GPR158: variants seen among roughly 807,000 people sequenced by gnomAD.
GPR158 encodes the protein metabotropic glycine receptor.
In GPR158, 30 loss-of-function variants were observed where a neutral mutation model predicts 78.2. The ratio of observed to expected loss-of-function variants is 0.38; its 90% CI spans 0.29 to 0.52. The LOEUF is 0.52. GPR158 is among the 20% of genes least tolerant of loss of function. GPR158 has a pLI of 0.83. For missense variants in GPR158, 1,463 were observed against 1,523.5 expected, an observed-to-expected ratio of 0.96 and a Z score of 0.66; for synonymous variants, 581 against 591.1, an observed-to-expected ratio of 0.98 and a Z score of 0.25.
At chr10:25,359,352 G>A (rs1232339835) in intron 2 of GPR158, among the ~76,000 whole-genome samples, 3 of 151,988 alleles carry the variant, frequency 2.0e-5, no homozygotes, top group Admixed American at 6.6e-5. Flanking sequence ...GTAGTTTTCT[G>A]CACCCCTCCA....
intron 4 of GPR158, among the ~76,000 whole-genome samples, chr10:25,428,536 A>G (rs1267144826): frequency 6.6e-6 from 1 of 152,064 alleles, no homozygotes; most frequent in Non-Finnish European, 1.5e-5. Context: ...CTCCAAAGTC[A>G]AGCTTGATTA....
At position 25,176,699 on chromosome 10, in the gene GPR158, G is replaced by C. The variant is rs1191415719; in HGVS notation, c.902+377G>C. ...CGATGCGACAACTTGGCGAGCGCCGGGTGTGTCCGCGGAGTGGCAAGCCTC... is the reference window on the plus strand; with the variant it reads ...CGATGCGACAACTTGGCGAGCGCCGCGTGTGTCCGCGGAGTGGCAAGCCTC... On this transcript the variant is annotated intron_variant, in intron 1 of 10. Transcript: ENST00000376351. This position sits in a 1 kb window ranked among gnomAD's most constrained non-coding sequence, Gnocchi z 6.3. Among the ~76,000 whole-genome samples, 1 of 152,244 alleles carries C rather than the reference G, an allele frequency of 6.6e-6. No individual in the cohort carries two copies. The highest frequency in any genetic ancestry group is 1.5e-5 in the Non-Finnish European group (1 of 68,046).
intron 2 of GPR158, among the ~76,000 whole-genome samples, chr10:25,312,163 C>G (rs7079120): frequency 0.2 from 30,727 of 151,720 alleles, 5,258 homozygotes; most frequent in African/African-American, 0.47. Context: ...AATGTTATTT[C>G]CGATCTGAAA....
chr10:25,406,315 G>A (rs1342732942), intron 3 of GPR158, among the ~76,000 whole-genome samples: 1 of 152,064 alleles, frequency 6.6e-6, no homozygotes, highest in African/African-American at 2.4e-5. Context: ...AGATCTGAAG[G>A]GCATTGTATA....
At position 25,397,090 on chromosome 10, in the gene GPR158, G is replaced by A. The variant is rs548427983; in HGVS notation, c.1111+1077G>A. On this transcript the variant is annotated intron_variant, in intron 3 of 10. Transcript: ENST00000376351. ...AATGACAGAGTATAATCATGGGAGT[G>A]CCTCTCCTATCACTTCAGCATATAA... 3.3e-5 allele frequency among the ~76,000 whole-genome samples: 5 copies of A among 152,256 alleles called. No homozygotes were observed. In the South Asian group the frequency reaches 1.0e-3, roughly 32 times the overall value.
intron 2 of GPR158, among the ~76,000 whole-genome samples, chr10:25,225,183 C>CT (rs60603738): frequency 0.011 from 1,470 of 134,712 alleles, 16 homozygotes; most frequent in Non-Finnish European, 0.013. Flanking sequence ...GAACATTTGC[C>CT]TTTTTTTTTT....
Position 25,256,916 on chromosome 10 carries a change from G to A in GPR158, c.1008+35759G>A, listed in dbSNP as rs1384546416. Among the ~76,000 whole-genome samples, 4 of 152,096 alleles carry A rather than the reference G, an allele frequency of 2.6e-5. No individual in the cohort carries two copies. The East Asian group carries it at 7.7e-4, about 29-fold the overall frequency. The stretch of plus-strand genomic sequence containing the variant: ...AATTAACAGGATACGTTTAGATAGA[G>A]ATAAACCTAAAAGCCCTGTATTGAT... On this transcript the variant is annotated intron_variant, in intron 2 of 10. Transcript: ENST00000376351.
chr10:25,299,721 GTCTT>G (rs1280176985), intron 2 of GPR158, among the ~76,000 whole-genome samples: 3 of 152,170 alleles, frequency 2.0e-5, no homozygotes, highest in Non-Finnish European at 1.5e-5. Flanking sequence ...TTATACTCGT[GTCTT>G]TCTTCAAATC....
In GPR158 at chr10:25,321,015, A is replaced by G. The variant is rs987292764; in HGVS notation, c.1009-74896A>G. Among the ~76,000 whole-genome samples, 5 of 152,338 alleles carry G rather than the reference A, an allele frequency of 3.3e-5. No individual in the cohort carries two copies. The South Asian group carries it at 8.3e-4, about 25-fold the overall frequency. On this transcript the variant is annotated intron_variant, in intron 2 of 10. Transcript: ENST00000376351. ...GAAAGTTTGCATAGCACAAAGTAAT[A>G]TAAATGTTTCTGGATGGTCTAAGTG... is the stretch of plus-strand genomic sequence containing the variant.
intron 5 of GPR158, among the ~76,000 whole-genome samples, chr10:25,486,218 A>C (rs1835733096): frequency 6.6e-6 from 1 of 152,178 alleles, no homozygotes; most frequent in Non-Finnish European, 1.5e-5. Flanking sequence ...ATGACATCCT[A>C]ATTCAAACCC....
chr10:25,439,467 C>A (rs1399495481), intron 4 of GPR158, among the ~76,000 whole-genome samples: 1 of 152,152 alleles, frequency 6.6e-6, no homozygotes, highest in Non-Finnish European at 1.5e-5. Context: ...CAAACCACAT[C>A]AAGTCTCCTG....
intron 2 of GPR158, among the ~76,000 whole-genome samples, chr10:25,313,306 A>T (rs1202984193): frequency 6.6e-6 from 1 of 151,144 alleles, no homozygotes; most frequent in Non-Finnish European, 1.5e-5. Context: ...CTAAATGACG[A>T]GTTAATGGGT....
chr10:25,538,924 A>C (rs1836537799), intron 5 of GPR158, among the ~76,000 whole-genome samples: 1 of 152,114 alleles, frequency 6.6e-6, no homozygotes, highest in Non-Finnish European at 1.5e-5. Context: ...AAATAGTCAT[A>C]TGTTTCTTTG....
chr10:25,382,274 C>T (rs1243558136), intron 2 of GPR158, among the ~76,000 whole-genome samples: 1 of 152,162 alleles, frequency 6.6e-6, no homozygotes, highest in Non-Finnish European at 1.5e-5. Flanking sequence ...TCAGTCTCAG[C>T]CCCCACAAGG....
At chr10:25,524,720 G>A (rs1203434746) in intron 5 of GPR158, among the ~76,000 whole-genome samples, 1 of 152,080 alleles carries the variant, frequency 6.6e-6, no homozygotes, top group Non-Finnish European at 1.5e-5. Context: ...TATGACCTTG[G>A]GGTAAGCAAT....
At chr10:25,502,867 C>G (rs1835960542) in intron 5 of GPR158, among the ~76,000 whole-genome samples, 1 of 152,080 alleles carries the variant, frequency 6.6e-6, no homozygotes, top group South Asian at 2.1e-4. Context: ...TTGGCTGGTT[C>G]CTTTACAAAA....
At position 25,596,672 on chromosome 10, in the gene GPR158, T is replaced by C. The variant is rs754580036; in HGVS notation, c.2028T>C (p.Asp676=). 1.2e-6 allele frequency: 2 copies of C among 1,613,216 alleles called. No homozygotes were observed. The highest frequency in any genetic ancestry group is 2.2e-5 in the East Asian group (1 of 44,868). Residue 676 remains aspartate (D), a synonymous_variant, in exon 10 of 11, where the codon GAT becomes GAC. Coordinates refer to ENST00000376351, the MANE Select transcript of GPR158 (RefSeq NM_020752.3). ...CACATTCAAGCAATAACCCACGAGA[T>C]GATATTGCTACAGAAGCATATGAGG... The part of the protein sequence containing the change: ...KFSHSSNNPR[D]DIATEAYEDE...
At chr10:25,242,347 A>G (rs1191541277) in intron 2 of GPR158, among the ~76,000 whole-genome samples, 1 of 152,234 alleles carries the variant, frequency 6.6e-6, no homozygotes, top group East Asian at 1.9e-4. Context: ...AATATGTGCT[A>G]TGAATTAGAA....
At chr10:25,369,911 A>G (rs10764530) in intron 2 of GPR158, among the ~76,000 whole-genome samples, 120,616 of 150,412 alleles carry the variant, frequency 0.8, 49,374 homozygotes, top group Non-Finnish European at 0.86. Context: ...TGTATGTGTC[A>G]AGGAATTTAT....
Sources: gnomAD v4.1 joint callset for allele counts (sites outside exome capture counted in the v4.1 genomes callset) on GRCh38, gnomAD v4.1.1 for gene constraint, Gnocchi (gnomAD v3.1) non-coding constraint, MANE v1.5 for transcripts, NCBI Gene and HGNC (gene_info 2026-07-23, HGNC 2026-07-21) for gene names.